SEMA4B: variants seen among roughly 807,000 people sequenced by gnomAD.
The protein encoded by SEMA4B is semaphorin-4B.
A neutral mutation model predicts 88.1 loss-of-function variants in SEMA4B; 55 were observed. The ratio of observed to expected loss-of-function variants is 0.62; its 90% confidence interval spans 0.50 to 0.78. The LOEUF (loss-of-function observed/expected upper bound fraction) is 0.78, where lower values mean the gene tolerates loss of function less well. Ranked by LOEUF, SEMA4B falls within the 30% of genes least tolerant of loss-of-function variation. The pLI, the probability that SEMA4B is intolerant of heterozygous loss-of-function variation, is 0.00. For synonymous variants in SEMA4B, 525 were observed against 473.6 expected (o/e 1.11, Z -1.41); for missense variants, 1,062 against 1,111.9 (o/e 0.96, Z 0.64).
chr15:90,185,730 C>T (rs1412139717), intron 1 of SEMA4B, among the ~76,000 whole-genome samples: 1 of 152,146 alleles, frequency 6.6e-6, no homozygotes, highest in East Asian at 1.9e-4. Flanking sequence ...GTGCGGGAAG[C>T]ATACAAACTT....
rs908972803 is a variant in SEMA4B at position 90,223,549 on chromosome 15, C to G, written c.862-10C>G. ...GTGCCTAAGCCCAGCCCATCCGACT[C>G]TCCCTCCAGGGCGATGAGGGTGGAG... On this transcript the variant is annotated splice_polypyrimidine_tract_variant and intron_variant, in intron 7 of 13. Transcript: ENST00000411539. 2.6e-6 allele frequency: 4 copies of G among 1,567,202 alleles called. No homozygotes were observed. The highest frequency in any genetic ancestry group is 3.5e-6 in the Non-Finnish European group (4 of 1,153,572).
chr15:90,208,729 T>C (rs1961112214), intron 1 of SEMA4B, among the ~76,000 whole-genome samples: 1 of 150,438 alleles, frequency 6.6e-6, no homozygotes. Context: ...CCACCTGTCA[T>C]ACTTAATTCT....
At chr15:90,220,170 C>A (rs1174359532) in intron 4 of SEMA4B, 10 of 396,426 alleles carry the variant, frequency 2.5e-5, no homozygotes, top group Non-Finnish European at 4.5e-6. Flanking sequence ...CTGCTTCTTC[C>A]AGCATCTCTC....
chr15:90,201,530 C>A lies in SEMA4B; in HGVS notation c.-49C>A. ...CGGAGCTGCCGCCCGTGAGTCCGGCCGAGCCACCTGAGCCCGAGCCGCGGG... is the reference window on the plus strand; with the variant it reads ...CGGAGCTGCCGCCCGTGAGTCCGGCAGAGCCACCTGAGCCCGAGCCGCGGG... On this transcript the variant is annotated 5_prime_UTR_variant, in exon 1 of 14. Coordinates refer to ENST00000411539, the MANE Select transcript of SEMA4B (RefSeq NM_198925.4). 7.4e-7 allele frequency: 1 copy of A among 1,356,204 alleles called. No individual in the cohort carries two copies. Among genetic ancestry groups the A allele is most frequent in the East Asian group, 3.1e-5 (1 of 32,130 alleles). The allele number at this position is 1,356,204 out of a possible 1,614,324, so 84.0% of individuals were successfully genotyped here. A position where few individuals can be genotyped will look rare whatever the true frequency, so the allele number is the denominator to read the frequency against.
Position 90,225,220 on chromosome 15 carries a change from C to T in SEMA4B, c.1405+42C>T, listed in dbSNP as rs144836049. ...CAGCAGGCTCAGGGGAAGGGGTGCA[C>T]GTGGCTGGTGGGTCATGGGCAGTGG... On this transcript the variant is annotated intron_variant, in intron 10 of 13. Transcript: ENST00000411539. The T allele has an allele frequency of 1.4e-3, 2,207 of 1,558,242 alleles. 25 individuals carry two copies. In the African/African-American group the frequency reaches 0.024, roughly 17 times the overall value.
chr15:90,217,088 A>C lies in SEMA4B; in HGVS notation c.158-351A>C, dbSNP rs114322875. On this transcript the variant is annotated intron_variant, in intron 1 of 13. Coordinates refer to ENST00000411539, the MANE Select transcript of SEMA4B (RefSeq NM_198925.4). Reference sequence around the variant, plus strand: ...GTTTTTCTGGAGCTTCTAATACATCATTTTTTTTCCCAGCTGTATAGTATT... The same window carrying C: ...GTTTTTCTGGAGCTTCTAATACATCCTTTTTTTTCCCAGCTGTATAGTATT... 656 of 179,996 alleles carry C rather than the reference A, an allele frequency of 3.6e-3. 3 individuals carry two copies. Among genetic ancestry groups the C allele is most frequent in the African/African-American group, 0.014 (599 of 42,478 alleles). The allele number at this position is 179,996 out of a possible 1,614,324, so 11.1% of individuals were successfully genotyped here. A position where few individuals can be genotyped will look rare whatever the true frequency, so the allele number is the denominator to read the frequency against.
chr15:90,216,574 C>T (rs1179763135), intron 1 of SEMA4B, among the ~76,000 whole-genome samples: 1 of 152,142 alleles, frequency 6.6e-6, no homozygotes, highest in African/African-American at 2.4e-5. Flanking sequence ...GTGTAATAAC[C>T]ATCAGTCTCA....
chr15:90,206,516 G>A (rs1002152312), intron 1 of SEMA4B: 16 of 359,038 alleles, frequency 4.5e-5, no homozygotes, highest in Admixed American at 3.7e-4. Context: ...ATGCAGAGAC[G>A]GAGGCTCAGG....
upstream of SEMA4B, among the ~76,000 whole-genome samples, chr15:90,199,840 TGAG>T (rs756894081): frequency 1.3e-5 from 2 of 150,008 alleles, no homozygotes; most frequent in African/African-American, 2.4e-5. Flanking sequence ...AAAAAAAAGT[TGAG>T]GCCTTTTGGA....
chr15:90,185,069 T>C, exon 1 of SEMA4B: 10 of 984,864 alleles, frequency 1.0e-5, no homozygotes, highest in Non-Finnish European at 1.2e-5. Context: ...GCGCTGACCC[T>C]GACTCACTCC....
At position 90,228,163 on chromosome 15, in the gene SEMA4B, G is replaced by A. The variant is rs372204874; in HGVS notation, c.2034G>A (p.Gly678=). ...ASYCPEVVED[G]VADQTDEGGS... ...ACTGCCCAGAGGTGGTGGAGGACGG[G>A]GTGGCAGACCAAACAGATGAGGGTG... Residue 678 remains glycine, a synonymous_variant, in exon 14 of 14, where the codon GGG becomes GGA. Transcript: ENST00000411539. 86 of 1,610,606 alleles carry A rather than the reference G, an allele frequency of 5.3e-5. No homozygotes were observed. Among genetic ancestry groups the A allele is most frequent in the Non-Finnish European group, 6.5e-5 (77 of 1,178,506 alleles).
rs545760970 is a variant in SEMA4B at position 90,186,154 on chromosome 15, C to T, written c.-122+1073C>T. Among the ~76,000 whole-genome samples, 16 of 151,930 alleles carry T rather than the reference C, an allele frequency of 1.1e-4. No individual in the cohort carries two copies. In the South Asian group the frequency reaches 3.1e-3, roughly 30 times the overall value. On this transcript the variant is annotated intron_variant, in intron 1 of 14. Transcript: ENST00000332496. ...TCACCATGTTGGCTAGGCTGGTCTC[C>T]AACTCCTGAGCTCAAGTGATCCGCC... is the stretch of plus-strand genomic sequence containing the variant.
chr15:90,216,433 G>C (rs528921866), intron 1 of SEMA4B, among the ~76,000 whole-genome samples: 2 of 152,014 alleles, frequency 1.3e-5, no homozygotes, highest in African/African-American at 4.8e-5. Flanking sequence ...ATATAAAACA[G>C]TACACTTGAC....
chr15:90,198,998 C>T (rs1013034290), upstream of SEMA4B, among the ~76,000 whole-genome samples: 1 of 152,118 alleles, frequency 6.6e-6, no homozygotes, highest in Non-Finnish European at 1.5e-5. Flanking sequence ...CTCAGCCTCC[C>T]GAGTAGCTGG....
At chr15:90,215,085 A>T in intron 1 of SEMA4B, 2 of 798,928 alleles carry the variant, frequency 2.5e-6, no homozygotes, top group Non-Finnish European at 3.3e-6. Context: ...AACGTGCCTG[A>T]GGGTGGTCAG....
intron 3 of SEMA4B, chr15:90,219,523 G>C: frequency 2.2e-6 from 1 of 450,976 alleles, no homozygotes; most frequent in Non-Finnish European, 4.0e-6. Flanking sequence ...AACTCAAAGG[G>C]GTAGGATTCT....
chr15:90,225,894 T>C, intron 12 of SEMA4B, 67 bp downstream of exon 12: 1 of 1,329,972 alleles, frequency 7.5e-7, no homozygotes, highest in South Asian at 1.7e-5. Context: ...AGCACCATCC[T>C]GGGCCCTCCT....
At chr15:90,204,995 G>A (rs561962598) in intron 1 of SEMA4B, among the ~76,000 whole-genome samples, 2 of 152,188 alleles carry the variant, frequency 1.3e-5, no homozygotes, top group East Asian at 1.9e-4. Context: ...GGCTGGTCTC[G>A]AACTTCTGAC....
At chr15:90,219,300 G>C (rs1260089170) in intron 3 of SEMA4B, 1 of 152,758 alleles carries the variant, frequency 6.5e-6, no homozygotes, top group East Asian at 1.9e-4. Context: ...AAAGTGGCAA[G>C]ATCTCGGGGG....
Sources: allele counts gnomAD v4.1 joint callset (sites outside exome capture counted in the v4.1 genomes callset), GRCh38; gene constraint gnomAD v4.1.1; transcripts MANE v1.5; gene names NCBI Gene and HGNC (gene_info 2026-07-23, HGNC 2026-07-21).